The following SNRPN variants were observed in gnomAD, a reference collection of about 807,000 sequenced individuals.
SNRPN encodes small nuclear ribonucleoprotein polypeptide N.
In SNRPN, 7 loss-of-function variants were observed where a neutral mutation model predicts 25.2. The observed-to-expected ratio is 0.28, with a 90% confidence interval of 0.16 to 0.52. The LOEUF is 0.52. SNRPN is among the 20% of genes least tolerant of loss of function. The pLI, the probability that SNRPN is intolerant of heterozygous loss-of-function variation, is 0.96. For synonymous variants in SNRPN, 124 were observed against 110.6 expected, an observed-to-expected ratio of 1.12 and a Z score of -0.76; for missense variants, 196 against 322.5, an observed-to-expected ratio of 0.61 and a Z score of 3.00.
chr15:24,829,293 A>C (rs1411784008), intron 1 of SNRPN, among the ~76,000 whole-genome samples: 2 of 152,120 alleles, frequency 1.3e-5, no homozygotes, highest in East Asian at 3.9e-4. Context: ...GGCAAGTTTC[A>C]GGCCTGGACT....
At chr15:24,904,459 G>C (rs770383718) in intron 2 of SNRPN, among the ~76,000 whole-genome samples, 6 of 151,924 alleles carry the variant, frequency 3.9e-5, no homozygotes, top group African/African-American at 7.3e-5. Context: ...GCTCAAGACC[G>C]GCCTGGCCAA....
intron 2 of SNRPN, among the ~76,000 whole-genome samples, chr15:24,830,996 G>T (rs1859063565): frequency 6.6e-6 from 1 of 151,968 alleles, no homozygotes; most frequent in Non-Finnish European, 1.5e-5. Flanking sequence ...CTGCTTGGTG[G>T]ATCTGTCTAT....
At chr15:24,956,926 C>T (rs1566952103) in intron 1 of SNRPN, among the ~76,000 whole-genome samples, 1 of 152,186 alleles carries the variant, frequency 6.6e-6, no homozygotes, top group Non-Finnish European at 1.5e-5. Flanking sequence ...TGCAGCCACC[C>T]CAAGACCTGC....
At chr15:24,881,823 G>A (rs1252880385) in intron 1 of SNRPN, among the ~76,000 whole-genome samples, 5 of 152,132 alleles carry the variant, frequency 3.3e-5, no homozygotes, top group African/African-American at 7.2e-5. Context: ...TGGTGTATCA[G>A]TTTTAGGAAT....
upstream of SNRPN, among the ~76,000 whole-genome samples, chr15:24,853,773 C>G (rs980057269): frequency 6.6e-6 from 1 of 152,184 alleles, no homozygotes; most frequent in Non-Finnish European, 1.5e-5. Context: ...AATAGCATGT[C>G]ATATCATGTT....
At chr15:24,927,395 T>C (rs2060456130) in intron 3 of SNRPN, among the ~76,000 whole-genome samples, 1 of 151,694 alleles carries the variant, frequency 6.6e-6, no homozygotes, top group South Asian at 2.1e-4. Context: ...GTGTTTTGAT[T>C]ACAGGCATGA....
chr15:24,881,642 G>C (rs2056689449), intron 1 of SNRPN, among the ~76,000 whole-genome samples: 1 of 138,964 alleles, frequency 7.2e-6, no homozygotes, highest in Non-Finnish European at 1.5e-5. Flanking sequence ...AGGCACCCTA[G>C]CAGAGTGAAA....
upstream of SNRPN, among the ~76,000 whole-genome samples, chr15:24,856,153 C>T (rs1471417916): frequency 6.6e-6 from 1 of 152,106 alleles, no homozygotes; most frequent in Non-Finnish European, 1.5e-5. Flanking sequence ...CTTCTCTTAG[C>T]CAAGTGTGCT....
chr15:24,956,329 G>T (rs2062868748), intron 1 of SNRPN, among the ~76,000 whole-genome samples: 1 of 144,200 alleles, frequency 6.9e-6, no homozygotes, highest in South Asian at 2.1e-4. Context: ...CGCTGCAGCG[G>T]CTTAGATCTG....
At chr15:24,955,263 C>T (rs1347259835) in intron 1 of SNRPN, among the ~76,000 whole-genome samples, 3 of 152,092 alleles carry the variant, frequency 2.0e-5, no homozygotes, top group African/African-American at 7.2e-5. Flanking sequence ...CCTGTCCGCT[C>T]GCATTGGGGC....
intron 2 of SNRPN, among the ~76,000 whole-genome samples, chr15:24,916,571 G>A (rs904999925): frequency 6.6e-6 from 1 of 151,916 alleles, no homozygotes; most frequent in African/African-American, 2.4e-5. Context: ...AAAAAAAGAA[G>A]AAAAAAATAC....
chr15:24,924,819 C>A (rs1286420054), intron 3 of SNRPN, among the ~76,000 whole-genome samples: 1 of 151,992 alleles, frequency 6.6e-6, no homozygotes, highest in Middle Eastern at 3.2e-3. Context: ...CTCCTTCAGC[C>A]CTCTTGGGAA....
chr15:24,854,137 A>G (rs2053156678), upstream of SNRPN, among the ~76,000 whole-genome samples: 1 of 152,120 alleles, frequency 6.6e-6, no homozygotes, highest in Non-Finnish European at 1.5e-5. Flanking sequence ...ATTGGCTACT[A>G]TATCATTTTC....
intron 2 of SNRPN, chr15:24,851,232 T>C (rs2052796211): frequency 6.6e-6 from 1 of 152,172 alleles, no homozygotes; most frequent in African/African-American, 2.4e-5. Flanking sequence ...TTGGGGCTCA[T>C]AGGTGAACAA....
chr15:24,907,174 A>G (rs1206898669), intron 2 of SNRPN, among the ~76,000 whole-genome samples: 2 of 152,218 alleles, frequency 1.3e-5, no homozygotes, highest in African/African-American at 4.8e-5. Context: ...TTGGTCTTAA[A>G]TAGAGCTGGG....
At chr15:24,858,696 G>A (rs543618376) in intron 1 of SNRPN, among the ~76,000 whole-genome samples, 15 of 152,074 alleles carry the variant, frequency 9.9e-5, no homozygotes, top group African/African-American at 2.7e-4. Context: ...AGCTACTCGG[G>A]AGGCTGAGGC....
At chr15:24,827,377 C>T (rs1466672944) in intron 1 of SNRPN, among the ~76,000 whole-genome samples, 10 of 151,214 alleles carry the variant, frequency 6.6e-5, no homozygotes, top group Non-Finnish European at 1.0e-4. Flanking sequence ...TAGTCGGGTG[C>T]GGTGGCGGGC....
chr15:24,849,259 T>C (rs1595448741), intron 2 of SNRPN: 3 of 152,226 alleles, frequency 2.0e-5, no homozygotes. Flanking sequence ...AGTGGCTAGG[T>C]CATGCTTTTC....
intron 2 of SNRPN, among the ~76,000 whole-genome samples, chr15:24,895,261 C>G (rs1037802430): frequency 6.6e-6 from 1 of 152,066 alleles, no homozygotes; most frequent in Non-Finnish European, 1.5e-5. Flanking sequence ...CCTCTTTCAG[C>G]GAAAGGTGAG....
Sources: gnomAD v4.1 joint callset for allele counts (sites outside exome capture counted in the v4.1 genomes callset) on GRCh38, gnomAD v4.1.1 for gene constraint, MANE v1.5 for transcripts, NCBI Gene and HGNC (gene_info 2026-07-23, HGNC 2026-07-21) for gene names.